The following CLPB variants were observed in gnomAD, a reference collection of about 807,000 sequenced individuals.
CLPB encodes the protein ClpB family mitochondrial disaggregase, also known as mitochondrial disaggregase.
CLPB carries 40 observed loss-of-function variants against 78.4 expected under a neutral mutation model. The ratio of observed to expected loss-of-function variants is 0.51; its 90% CI spans 0.40 to 0.66. CLPB has a LOEUF of 0.66. CLPB is among the 30% of genes least tolerant of loss of function. CLPB has a pLI of 0.00. For missense variants in CLPB, 780 were observed against 886.9 expected (o/e 0.88, Z 1.53); for synonymous variants, 333 against 348.0 (o/e 0.96, Z 0.48).
chr11:72,411,567 C>A (rs1855876115), intron 2 of CLPB, among the ~76,000 whole-genome samples: 1 of 152,146 alleles, frequency 6.6e-6, no homozygotes, highest in South Asian at 2.1e-4. Flanking sequence ...GAGTAGATTC[C>A]TAGCAGACGC....
intron 5 of CLPB, among the ~76,000 whole-genome samples, chr11:72,338,912 T>A (rs1950369578): frequency 6.6e-6 from 1 of 152,180 alleles, no homozygotes; most frequent in South Asian, 2.1e-4. Flanking sequence ...TCTGATGGGA[T>A]GTCTCAGGAT....
chr11:72,378,259 T>C (rs556612120), intron 4 of CLPB, among the ~76,000 whole-genome samples: 63 of 152,260 alleles, frequency 4.1e-4, no homozygotes, highest in Non-Finnish European at 7.8e-4. Flanking sequence ...CCTTGCTTTT[T>C]GGTGAGAGCA....
At chr11:72,412,784 A>G (rs951747869) in intron 2 of CLPB, among the ~76,000 whole-genome samples, 5 of 152,240 alleles carry the variant, frequency 3.3e-5, no homozygotes, top group Middle Eastern at 3.2e-3. Flanking sequence ...GTTGAGGCAC[A>G]CAGTGGAGGA....
chr11:72,351,133 G>A (rs1950606820), intron 5 of CLPB, among the ~76,000 whole-genome samples: 3 of 152,146 alleles, frequency 2.0e-5, no homozygotes, highest in Non-Finnish European at 4.4e-5. Context: ...TGTTAGAGAA[G>A]GGCCATGATT....
chr11:72,337,478 A>T (rs540847295), intron 5 of CLPB, among the ~76,000 whole-genome samples: 2 of 152,296 alleles, frequency 1.3e-5, no homozygotes, highest in Admixed American at 1.3e-4. Context: ...ACAGGCTAAC[A>T]TTTTTTGGGT....
intron 5 of CLPB, among the ~76,000 whole-genome samples, chr11:72,331,107 C>CA (rs1950217303): frequency 6.6e-6 from 1 of 151,540 alleles, no homozygotes; most frequent in South Asian, 2.1e-4. Flanking sequence ...CTTTTTTAAT[C>CA]AAAAAAATTT....
intron 2 of CLPB, among the ~76,000 whole-genome samples, chr11:72,409,807 G>A (rs1279631524): frequency 1.3e-5 from 2 of 151,536 alleles, no homozygotes; most frequent in Admixed American, 6.6e-5. Context: ...GTAAAACCCC[G>A]TCTCTACTAA....
At chr11:72,345,831 C>G (rs1950502831) in intron 5 of CLPB, among the ~76,000 whole-genome samples, 1 of 152,180 alleles carries the variant, frequency 6.6e-6, no homozygotes, top group African/African-American at 2.4e-5. Flanking sequence ...ACTATATACT[C>G]TCAGCCTTGG....
At chr11:72,421,805 T>C (rs897550596) in intron 2 of CLPB, among the ~76,000 whole-genome samples, 4 of 152,096 alleles carry the variant, frequency 2.6e-5, no homozygotes, top group Non-Finnish European at 5.9e-5. Context: ...TTGCCTTCCA[T>C]CACCAGGGAA....
In CLPB at chr11:72,434,128, C is replaced by G. The variant is rs549191970; in HGVS notation, c.347G>C (p.Cys116Ser). 1.2e-5 allele frequency: 19 copies of G among 1,612,330 alleles called. No homozygotes were observed. Among genetic ancestry groups the G allele is most frequent in the Admixed American group, 6.7e-5 (4 of 60,026 alleles). ...AACCACCAGCGCTGCGGCCAGGGCG[C>G]ACATGCCCAGTCCGGCCCTGCTGGG... ...GVPSRAGLGM[C>S]ALAAALVVHC... The change falls in exon 1 of 16, where the codon TGC becomes TCC. Residue 116 changes from cysteine (C) to serine (S), a missense_variant. This residue lies in a region of CLPB where 417 missense variants were observed against 414.7 expected (regional missense o/e 1.01). Coordinates refer to ENST00000538039, the MANE Select transcript of CLPB (RefSeq NM_001258392.3).
chr11:72,433,369 C>T (rs1231142725), intron 1 of CLPB, among the ~76,000 whole-genome samples: 1 of 151,806 alleles, frequency 6.6e-6, no homozygotes, highest in Non-Finnish European at 1.5e-5. Flanking sequence ...ACCATCCTGA[C>T]CAACAACTAA....
At chr11:72,407,993 G>A (rs1855758378) in intron 2 of CLPB, 1 of 782,164 alleles carries the variant, frequency 1.3e-6, no homozygotes, top group South Asian at 1.6e-5. Context: ...ACATCATCTG[G>A]CTAAGCTTTG....
In CLPB at chr11:72,286,971, T is replaced by A. The variant is rs907413514; in HGVS notation, c.*6396A>T. 3 of 152,200 alleles carry A rather than the reference T, an allele frequency of 2.0e-5. No homozygotes were observed. The highest frequency in any genetic ancestry group is 1.3e-4 in the Admixed American group (2 of 15,276). The allele number at this position is 152,200 out of a possible 1,614,324, so 9.4% of individuals were successfully genotyped here. A position where few individuals can be genotyped will look rare whatever the true frequency, so the allele number is the denominator to read the frequency against. On this transcript the variant is annotated 3_prime_UTR_variant, in exon 16 of 16. Coordinates refer to ENST00000538039, the MANE Select transcript of CLPB (RefSeq NM_001258392.3). ...TGAGAAAATTTAACAACACTAGCAC[T>A]CTCTAGACATTTAAATAACATTTAA...
intron 5 of CLPB, chr11:72,351,529 T>G (rs1487489047): frequency 1.3e-5 from 2 of 152,236 alleles, no homozygotes; most frequent in Non-Finnish European, 2.9e-5. Context: ...TAGAAATTAG[T>G]GGCACATTTG....
chr11:72,428,643 T>G (rs1225763442), intron 2 of CLPB, among the ~76,000 whole-genome samples: 1 of 151,606 alleles, frequency 6.6e-6, no homozygotes, highest in African/African-American at 2.4e-5. Flanking sequence ...TCACATGGAG[T>G]GAAGGGAGAT....
intron 2 of CLPB, among the ~76,000 whole-genome samples, chr11:72,407,686 G>A (rs573289959): frequency 7.3e-4 from 108 of 147,734 alleles, no homozygotes; most frequent in African/African-American, 2.1e-3. Context: ...TCGTTCTGTC[G>A]CCCAGGCTGG....
In CLPB at chr11:72,331,382, C is replaced by A. The variant is rs1241896090; in HGVS notation, c.776-1578G>T. Reference sequence around the variant, plus strand: ...TCGCGCCACTGCACTCTAGCCTGGGCGACAGAGCGAGACTCTGTCTCAAAA... The same window carrying A: ...TCGCGCCACTGCACTCTAGCCTGGGAGACAGAGCGAGACTCTGTCTCAAAA... On this transcript the variant is annotated intron_variant, in intron 5 of 15. Coordinates refer to ENST00000538039, the MANE Select transcript of CLPB (RefSeq NM_001258392.3). 6.1e-5 allele frequency among the ~76,000 whole-genome samples: 9 copies of A among 148,746 alleles called. No homozygotes were observed. The East Asian group carries it at 1.2e-3, about 20-fold the overall frequency.
intron 4 of CLPB, among the ~76,000 whole-genome samples, chr11:72,365,348 A>C (rs1950923118): frequency 6.6e-6 from 1 of 152,216 alleles, no homozygotes; most frequent in Admixed American, 6.5e-5. Context: ...TTCAATTTCT[A>C]TTTAATGTCC....
At chr11:72,352,163 G>A (rs949044307) in intron 5 of CLPB, among the ~76,000 whole-genome samples, 3 of 152,158 alleles carry the variant, frequency 2.0e-5, no homozygotes, top group Non-Finnish European at 4.4e-5. Flanking sequence ...GTGACCTGAT[G>A]TAAGGTTTGT....
Sources: allele counts gnomAD v4.1 joint callset (sites outside exome capture counted in the v4.1 genomes callset), GRCh38; gene constraint gnomAD v4.1.1; regional missense constraint gnomAD v4.1.1; transcripts MANE v1.5; gene names NCBI Gene and HGNC (gene_info 2026-07-23, HGNC 2026-07-21).